The following NEDD4 variants were observed in gnomAD, a reference collection of about 807,000 sequenced individuals.
NEDD4 encodes the protein E3 ubiquitin-protein ligase NEDD4.
Under a neutral mutation model 144.9 loss-of-function variants are expected in NEDD4, and 99 were observed. That is an observed-to-expected ratio of 0.68 (90% CI 0.58 to 0.81). NEDD4 has a LOEUF of 0.81. Ranked by LOEUF, NEDD4 falls within the 30% of genes least tolerant of loss-of-function variation. The pLI is 0.00. For missense variants in NEDD4, 985 were observed against 1,065.9 expected (o/e 0.92, Z 1.06); for synonymous variants, 318 against 350.6 (o/e 0.91, Z 1.04).
chr15:55,869,970 T>C (rs1055056243), intron 7 of NEDD4, among the ~76,000 whole-genome samples: 1 of 152,082 alleles, frequency 6.6e-6, no homozygotes, highest in Non-Finnish European at 1.5e-5. Flanking sequence ...AGCTGGCCTT[T>C]GAGTTGGGGT....
intron 1 of NEDD4, among the ~76,000 whole-genome samples, chr15:55,983,303 T>TGC (rs111359928): frequency 2.0e-5 from 3 of 151,506 alleles, no homozygotes; most frequent in African/African-American, 7.2e-5. Context: ...TGTGTGTGCG[T>TGC]GCGCGCGCGT....
chr15:55,958,013 A>G (rs1227719091), intron 2 of NEDD4, among the ~76,000 whole-genome samples: 1 of 152,206 alleles, frequency 6.6e-6, no homozygotes, highest in African/African-American at 2.4e-5. Context: ...AGATATACCT[A>G]ATGTAAACGA....
At chr15:55,940,223 A>T (rs932798947) in intron 4 of NEDD4, among the ~76,000 whole-genome samples, 17 of 152,080 alleles carry the variant, frequency 1.1e-4, no homozygotes, top group Non-Finnish European at 1.9e-4. Context: ...AACCTTTGTG[A>T]AGAGGGTACA....
At chr15:55,992,252 TTTG>T (rs1210082332) in intron 1 of NEDD4, among the ~76,000 whole-genome samples, 1 of 152,198 alleles carries the variant, frequency 6.6e-6, no homozygotes, top group Admixed American at 6.5e-5. Context: ...GCCGCCACCA[TTTG>T]TCCATCATCA....
At chr15:55,837,432 C>CAA (rs66970830) in intron 24 of NEDD4, among the ~76,000 whole-genome samples, 6 of 126,252 alleles carry the variant, frequency 4.8e-5, no homozygotes, top group African/African-American at 1.8e-4. Flanking sequence ...ACTCCGCGCT[C>CAA]AAAAAAAAAA....
chr15:55,921,081 T>C (rs958440987), intron 5 of NEDD4, among the ~76,000 whole-genome samples: 2 of 152,242 alleles, frequency 1.3e-5, no homozygotes, highest in African/African-American at 4.8e-5. Flanking sequence ...GAATGTTAAA[T>C]GACATTTTAT....
intron 13 of NEDD4, among the ~76,000 whole-genome samples, chr15:55,851,353 G>C (rs1393673646): frequency 6.6e-6 from 1 of 151,202 alleles, no homozygotes; most frequent in African/African-American, 2.4e-5. Context: ...TAGACTTACA[G>C]GGCCACAACA....
intron 1 of NEDD4, among the ~76,000 whole-genome samples, chr15:55,967,324 A>T (rs1207853475): frequency 6.6e-6 from 1 of 152,248 alleles, no homozygotes; most frequent in South Asian, 2.1e-4. Context: ...TAGAGGTTTT[A>T]TAAAGAGTGT....
intron 4 of NEDD4, among the ~76,000 whole-genome samples, chr15:55,948,573 C>CCAAAACAGCATGGTACTGGTAT (rs1325506332): frequency 1.3e-5 from 2 of 152,074 alleles, no homozygotes; most frequent in Non-Finnish European, 2.9e-5. Context: ...GCTACAGTAA[C>CCAAAACAGCATGGTACTGGTAT]CAAAACAGCA....
At chr15:55,927,469 A>C (rs1185037880) in intron 4 of NEDD4, among the ~76,000 whole-genome samples, 15 of 152,192 alleles carry the variant, frequency 9.9e-5, no homozygotes, top group African/African-American at 3.6e-4. Context: ...TAATTTTTTA[A>C]AAATTTTTGC....
chr15:55,929,297 G>C (rs1043429173), intron 4 of NEDD4, among the ~76,000 whole-genome samples: 1 of 152,260 alleles, frequency 6.6e-6, no homozygotes, highest in East Asian at 1.9e-4. Flanking sequence ...TTCAGGAGGA[G>C]ATTTAATGAA....
At chr15:55,898,690 C>T (rs1365746435) in intron 5 of NEDD4, among the ~76,000 whole-genome samples, 2 of 133,504 alleles carry the variant, frequency 1.5e-5, no homozygotes, top group Non-Finnish European at 3.1e-5. Flanking sequence ...AGGCTAAATA[C>T]AGTGGCACAA....
intron 4 of NEDD4, among the ~76,000 whole-genome samples, chr15:55,942,066 T>A (rs74872287): frequency 0.13 from 20,454 of 151,910 alleles, 1,501 homozygotes; most frequent in East Asian, 0.32. Flanking sequence ...ATTTACTATT[T>A]TTTTTTTGTC....
chr15:55,917,412 A>C (rs2036482628), intron 5 of NEDD4, among the ~76,000 whole-genome samples: 1 of 152,132 alleles, frequency 6.6e-6, no homozygotes, highest in African/African-American at 2.4e-5. Context: ...TGAATTTCCA[A>C]ATAGTAGCCA....
rs538376228 is a variant in NEDD4, at chr15:55,834,209, T to A, written c.2322+18A>T. 3.7e-6 allele frequency: 6 copies of A among 1,608,178 alleles called. No individual in the cohort carries two copies. The African/African-American group carries it at 5.3e-5, about 14-fold the overall frequency. ...TGGGTTCACAATTTCTGTTTCAACA[T>A]AAAATGTTATGTCTTACCTCTAGTT... is the stretch of plus-strand genomic sequence containing the variant. On this transcript the variant is annotated intron_variant, in intron 25 of 28. Transcript: ENST00000435532.
chr15:55,869,889 A>AAATCAATCAATC (rs146081341), intron 7 of NEDD4, among the ~76,000 whole-genome samples: 3 of 149,872 alleles, frequency 2.0e-5, no homozygotes, highest in African/African-American at 4.9e-5. Flanking sequence ...ATAAATAAAT[A>AAATCAATCAATC]AATAATTGTT....
chr15:55,874,225 C>T (rs142322580), intron 5 of NEDD4, among the ~76,000 whole-genome samples: 5 of 151,924 alleles, frequency 3.3e-5, no homozygotes, highest in African/African-American at 4.8e-5. Context: ...CAATTATATT[C>T]TGTGACAAAA....
chr15:55,968,972 A>T (rs1595881759), intron 1 of NEDD4, among the ~76,000 whole-genome samples: 1 of 152,178 alleles, frequency 6.6e-6, no homozygotes, highest in Admixed American at 6.5e-5. Context: ...AGAACCAAAA[A>T]TCAGGTGACT....
chr15:55,901,539 T>G (rs889603453), intron 5 of NEDD4, among the ~76,000 whole-genome samples: 2 of 152,304 alleles, frequency 1.3e-5, no homozygotes, highest in South Asian at 2.1e-4. Flanking sequence ...GTGGCTTAAT[T>G]GTTAATAGGC....
Sources: gnomAD v4.1 joint callset for allele counts (sites outside exome capture counted in the v4.1 genomes callset) on GRCh38, gnomAD v4.1.1 for gene constraint, MANE v1.5 for transcripts, NCBI Gene and HGNC (gene_info 2026-07-23, HGNC 2026-07-21) for gene names.